The following CARMIL1 variants were observed in gnomAD, a reference collection of about 807,000 sequenced individuals.
CARMIL1 encodes the protein capping protein regulator and myosin 1 linker 1, also known as F-actin-uncapping protein LRRC16A.
In CARMIL1, 90 loss-of-function variants were observed where a neutral mutation model predicts 177.1. That is an observed-to-expected ratio of 0.51 (90% CI 0.43 to 0.61). The LOEUF (loss-of-function observed/expected upper bound fraction) is 0.61, where lower values mean the gene tolerates loss of function less well. Ranked by LOEUF, CARMIL1 falls within the 20% of genes least tolerant of loss-of-function variation. The pLI, the probability that CARMIL1 is intolerant of heterozygous loss-of-function variation, is 0.00. For missense variants in CARMIL1, 1,380 were observed against 1,667.0 expected, an observed-to-expected ratio of 0.83 and a Z score of 3.00; for synonymous variants, 577 against 606.2, an observed-to-expected ratio of 0.95 and a Z score of 0.71.
chr6:25,575,525 AT>A (rs1484423913), intron 29 of CARMIL1, among the ~76,000 whole-genome samples: 8 of 152,196 alleles, frequency 5.3e-5, no homozygotes, highest in Admixed American at 4.6e-4. Flanking sequence ...TTATGTATGT[AT>A]TCATAGTCAT....
chr6:25,401,578 T>C (rs546434153), intron 2 of CARMIL1, among the ~76,000 whole-genome samples: 14 of 152,346 alleles, frequency 9.2e-5, no homozygotes, highest in African/African-American at 3.4e-4. Flanking sequence ...CTAAACTCAT[T>C]GAATTGCCTT....
chr6:25,287,032 A>T (rs1781569165), intron 2 of CARMIL1, among the ~76,000 whole-genome samples: 1 of 152,214 alleles, frequency 6.6e-6, no homozygotes, highest in Admixed American at 6.5e-5. Context: ...ACTTACTTGC[A>T]TGGGCAGGAA....
chr6:25,450,512 C>G, intron 7 of CARMIL1, 103 bp downstream of exon 7: 1 of 1,155,974 alleles, frequency 8.7e-7, no homozygotes, highest in South Asian at 1.4e-5. Context: ...TTATTTTTCA[C>G]TTAAAATCTT....
chr6:25,469,866 A>G (rs1800948744), intron 9 of CARMIL1, among the ~76,000 whole-genome samples: 2 of 152,196 alleles, frequency 1.3e-5, no homozygotes, highest in South Asian at 4.1e-4. Context: ...TGACTTTTTA[A>G]TGTATAAGTA....
intron 34 of CARMIL1, 92 bp from the exon 35 acceptor site, chr6:25,605,969 G>A: frequency 2.5e-6 from 2 of 798,680 alleles, no homozygotes; most frequent in East Asian, 5.2e-5. Flanking sequence ...AGAAACGATG[G>A]CAAATGATTA....
At chr6:25,370,576 G>A (rs1790304113) in intron 2 of CARMIL1, among the ~76,000 whole-genome samples, 1 of 152,098 alleles carries the variant, frequency 6.6e-6, no homozygotes, top group South Asian at 2.1e-4. Flanking sequence ...CTTTTGTACT[G>A]CCCCGACGGA....
rs574575410 is a variant in CARMIL1, at chr6:25,407,845, G to A, written c.139-12269G>A. Among the ~76,000 whole-genome samples, 3 of 152,192 alleles carry A rather than the reference G, an allele frequency of 2.0e-5. No homozygotes were observed. In the South Asian group the frequency reaches 6.2e-4, roughly 31 times the overall value. The stretch of plus-strand genomic sequence containing the variant: ...GGGTAGTGGTAGTACCTGAATAAGG[G>A]AACTAGCTATGAGTGCTTCTCCAAC... On this transcript the variant is annotated intron_variant, in intron 2 of 36. Transcript: ENST00000329474.
chr6:25,565,526 T>C (rs1406123922), intron 29 of CARMIL1, among the ~76,000 whole-genome samples: 1 of 152,212 alleles, frequency 6.6e-6, no homozygotes, highest in Non-Finnish European at 1.5e-5. Flanking sequence ...CATTGTTCTT[T>C]TTTCACATTC....
intron 24 of CARMIL1, among the ~76,000 whole-genome samples, chr6:25,533,110 CT>C (rs1807932804): frequency 1.3e-5 from 2 of 152,154 alleles, no homozygotes; most frequent in South Asian, 4.1e-4. Context: ...GTTATATTCT[CT>C]TTCCTCTTTC....
intron 32 of CARMIL1, 78 bp downstream of exon 32, chr6:25,594,605 T>C: frequency 1.2e-6 from 1 of 824,042 alleles, no homozygotes; most frequent in Non-Finnish European, 1.9e-6. Flanking sequence ...AAACTTAGTA[T>C]ACTAAGTTTC....
chr6:25,289,950 AT>A (rs1339513468), intron 2 of CARMIL1, among the ~76,000 whole-genome samples: 10 of 152,344 alleles, frequency 6.6e-5, no homozygotes, highest in African/African-American at 2.4e-4. Context: ...AAGGAGTGCA[AT>A]TGCTGGTTTG....
chr6:25,459,266 C>CTTTCTTTCTTTCTTTCTTTTTTT, intron 8 of CARMIL1, among the ~76,000 whole-genome samples: 1 of 73,744 alleles, frequency 1.4e-5, no homozygotes, highest in South Asian at 4.2e-4. Flanking sequence ...TTCTTTCTTT[C>CTTTCTTTCTTTCTTTCTTTTTTT]TTTTTTTTTT....
chr6:25,382,362 G>A (rs1791633240), intron 2 of CARMIL1, among the ~76,000 whole-genome samples: 1 of 152,132 alleles, frequency 6.6e-6, no homozygotes, highest in African/African-American at 2.4e-5. Context: ...CCTTCCAGTG[G>A]GTTCTTGGTC....
chr6:25,576,862 C>A, intron 29 of CARMIL1: 2 of 426,582 alleles, frequency 4.7e-6, no homozygotes, highest in Non-Finnish European at 6.3e-6. Flanking sequence ...TGTGTTTTAG[C>A]TTTTCTGTTT....
chr6:25,560,952 C>T (rs1431733255), intron 29 of CARMIL1, among the ~76,000 whole-genome samples: 1 of 152,056 alleles, frequency 6.6e-6, no homozygotes, highest in Non-Finnish European at 1.5e-5. Flanking sequence ...ATGAAGTTGC[C>T]CACTTTTGGC....
chr6:25,394,782 C>T (rs768342782), intron 2 of CARMIL1, among the ~76,000 whole-genome samples: 2 of 152,184 alleles, frequency 1.3e-5, no homozygotes, highest in Non-Finnish European at 2.9e-5. Context: ...TATACATTAA[C>T]AGTTACTATT....
At chr6:25,609,303 A>G (rs1027449791) in intron 35 of CARMIL1, among the ~76,000 whole-genome samples, 1 of 151,954 alleles carries the variant, frequency 6.6e-6, no homozygotes, top group African/African-American at 2.4e-5. Flanking sequence ...CGTCTCTACT[A>G]AAAATACAAA....
chr6:25,285,645 G>C (rs544077066), intron 2 of CARMIL1, among the ~76,000 whole-genome samples: 1 of 138,060 alleles, frequency 7.2e-6, no homozygotes, highest in Admixed American at 6.9e-5. Context: ...TTGATGGAGA[G>C]AATACTGTTT....
intron 2 of CARMIL1, among the ~76,000 whole-genome samples, chr6:25,295,691 A>T (rs566442490): frequency 6.6e-6 from 1 of 152,106 alleles, no homozygotes; most frequent in Non-Finnish European, 1.5e-5. Context: ...AACCTTTTTC[A>T]TGCAATTTAG....
Sources: gnomAD v4.1 joint callset for allele counts (sites outside exome capture counted in the v4.1 genomes callset) on GRCh38, gnomAD v4.1.1 for gene constraint, MANE v1.5 for transcripts, NCBI Gene and HGNC (gene_info 2026-07-23, HGNC 2026-07-21) for gene names.